SLC35F5: variants seen among roughly 807,000 people sequenced by gnomAD.
SLC35F5 encodes the protein HCV NS5A-transactivated protein 3.
A neutral mutation model predicts 68.6 loss-of-function variants in SLC35F5; 54 were observed. The ratio of observed to expected loss-of-function variants is 0.79; its 90% CI spans 0.63 to 0.99. The LOEUF is 0.99. Among genes scored for constraint, SLC35F5 ranks in the 50% least tolerant of loss-of-function variants. The pLI, the probability that SLC35F5 is intolerant of heterozygous loss-of-function variation, is 0.00. For synonymous variants in SLC35F5, 211 were observed against 205.2 expected, an observed-to-expected ratio of 1.03 and a Z score of -0.24; for missense variants, 567 against 626.9, an observed-to-expected ratio of 0.90 and a Z score of 1.02.
intron 3 of SLC35F5, among the ~76,000 whole-genome samples, chr2:113,751,926 A>T (rs1290500018): frequency 6.6e-6 from 1 of 150,484 alleles, no homozygotes; most frequent in African/African-American, 2.4e-5. Flanking sequence ...AAAGATTAAT[A>T]AGATGTCAGG....
Position 113,756,635 on chromosome 2 carries a change from G to T in SLC35F5, c.-226C>A. Reference sequence around the variant, plus strand: ...CAGTCAGCTATGGCCGCGGAGGCCCGGAGATCTGCTCTGGCCCCGGCCCCG... The same window carrying T: ...CAGTCAGCTATGGCCGCGGAGGCCCTGAGATCTGCTCTGGCCCCGGCCCCG... On this transcript the variant is annotated 5_prime_UTR_variant, in exon 1 of 16. Transcript: ENST00000245680. 1.6e-6 allele frequency: 2 copies of T among 1,234,124 alleles called. No individual in the cohort carries two copies. Among genetic ancestry groups the T allele is most frequent in the Non-Finnish European group, 1.1e-6 (1 of 932,926 alleles). 76.4% of individuals were successfully genotyped at this position (1,234,124 alleles called of 1,614,324 possible). A position where few individuals can be genotyped will look rare whatever the true frequency, so the allele number is the denominator to read the frequency against.
intron 3 of SLC35F5, among the ~76,000 whole-genome samples, chr2:113,751,616 C>G (rs1029478741): frequency 6.6e-6 from 1 of 151,798 alleles, no homozygotes; most frequent in Non-Finnish European, 1.5e-5. Flanking sequence ...TTAAGCCCAG[C>G]CTGGCCAACA....
intron 13 of SLC35F5, among the ~76,000 whole-genome samples, chr2:113,720,093 T>G (rs2104977805): frequency 6.8e-6 from 1 of 146,388 alleles, no homozygotes; most frequent in Non-Finnish European, 1.5e-5. Context: ...AAAAAGAAAA[T>G]AAAAAATAAT....
At chr2:113,740,358 A>G (rs1676209701) in intron 7 of SLC35F5, among the ~76,000 whole-genome samples, 1 of 152,238 alleles carries the variant, frequency 6.6e-6, no homozygotes, top group Non-Finnish European at 1.5e-5. Flanking sequence ...GTCTGTTAAA[A>G]GGAACTATCT....
intron 11 of SLC35F5, among the ~76,000 whole-genome samples, chr2:113,726,495 G>C: frequency 6.6e-6 from 1 of 152,108 alleles, no homozygotes; most frequent in East Asian, 1.9e-4. Flanking sequence ...TTTCTTAAAA[G>C]AAAATTAAAT....
At chr2:113,732,947 T>C (rs952054486) in intron 9 of SLC35F5, among the ~76,000 whole-genome samples, 2 of 152,202 alleles carry the variant, frequency 1.3e-5, no homozygotes, top group African/African-American at 2.4e-5. Context: ...TGTCTCTCAA[T>C]TGATGAAATG....
At chr2:113,734,341 G>A (rs1223873940) in intron 9 of SLC35F5, among the ~76,000 whole-genome samples, 1 of 152,216 alleles carries the variant, frequency 6.6e-6, no homozygotes, top group Non-Finnish European at 1.5e-5. Context: ...TACTTGATGA[G>A]TCTGCAGACA....
chr2:113,723,189 C>A lies in SLC35F5; in HGVS notation c.1256G>T (p.Cys419Phe). 1 of 1,573,870 alleles carries A rather than the reference C, an allele frequency of 6.4e-7. No homozygotes were observed. The highest frequency in any genetic ancestry group is 8.6e-7 in the Non-Finnish European group (1 of 1,162,756). ...GCCTATCAATGATGAGGTAAGAAAG[C>A]AGCCCCTAAAAAAAAGAAAATATAC... ...VLSEFLWLWG[C>F]FLTSSLIGTL... The change falls in exon 13 of 16, where the codon TGC (cysteine) becomes TTC (phenylalanine). Residue 419 changes from cysteine (C) to phenylalanine (F), a missense_variant. Coordinates refer to ENST00000245680, the MANE Select transcript of SLC35F5 (RefSeq NM_025181.5).
rs1243348348 is a variant in SLC35F5 at position 113,708,381 on chromosome 2, T to C, written c.*6837A>G. Among the ~76,000 whole-genome samples, 1 of 152,188 alleles carries C rather than the reference T, an allele frequency of 6.6e-6. No homozygotes were observed. The highest frequency in any genetic ancestry group is 1.5e-5 in the Non-Finnish European group (1 of 68,024). On this transcript the variant is annotated 3_prime_UTR_variant, in exon 16 of 16. Transcript: ENST00000245680. ...AACTTTTAAGATTATAAATTCACAA[T>C]AGTGAACACCCTAGTGACAACTTTT...
At chr2:113,720,395 A>G (rs1005536689) in intron 13 of SLC35F5, among the ~76,000 whole-genome samples, 18 of 151,834 alleles carry the variant, frequency 1.2e-4, no homozygotes, top group Non-Finnish European at 2.9e-5. Context: ...ATACTATTCC[A>G]TTTCATAGCA....
intron 11 of SLC35F5, among the ~76,000 whole-genome samples, chr2:113,728,313 A>C (rs1052963014): frequency 6.6e-6 from 1 of 152,108 alleles, no homozygotes; most frequent in Non-Finnish European, 1.5e-5. Context: ...TTTTTTAAAA[A>C]AAATTAAATA....
intron 14 of SLC35F5, among the ~76,000 whole-genome samples, 198 bp downstream of exon 14, chr2:113,718,948 GAAGGAAGA>G (rs1409505312): frequency 1.3e-5 from 2 of 149,362 alleles, no homozygotes; most frequent in Non-Finnish European, 3.0e-5. Context: ...AGAAAGGAAG[GAAGGAAGA>G]AAGAAAGAAA....
In SLC35F5 at chr2:113,725,410, A is replaced by G. The variant is rs1687620036; in HGVS notation, c.1218T>C (p.Ile406=). The change falls in exon 12 of 16, where the codon ATT becomes ATC. Residue 406 remains isoleucine (I), a synonymous_variant. Coordinates refer to ENST00000245680, the MANE Select transcript of SLC35F5 (RefSeq NM_025181.5). Reference sequence around the variant, plus strand: ...ACAGGAACTCTGAGAGTACTGTTCCAATAAGGCCATTAATGATAATGCACA... The same window carrying G: ...ACAGGAACTCTGAGAGTACTGTTCCGATAAGGCCATTAATGATAATGCACA... ...VLMCIIINGL[I]GTVLSEFLWL... The G allele has an allele frequency of 1.9e-6, 3 of 1,610,926 alleles. No individual in the cohort carries two copies. Among genetic ancestry groups the G allele is most frequent in the Admixed American group, 1.7e-5 (1 of 59,194 alleles).
At position 113,734,721 on chromosome 2, in the gene SLC35F5, T is replaced by C. The variant is rs13432184; in HGVS notation, c.833-48A>G. ...AAATGGTACATGAGTTTAAATACTG[T>C]CAACATTTTTACTACCAACTTCATT... On this transcript the variant is annotated intron_variant, in intron 8 of 15. Transcript: ENST00000245680. 341 of 1,133,068 alleles carry C rather than the reference T, an allele frequency of 3.0e-4. 1 individual carries two copies. The African/African-American group carries it at 4.9e-3, about 16-fold the overall frequency. The allele number at this position is 1,133,068 out of a possible 1,614,324, so 70.2% of individuals were successfully genotyped here. A position where few individuals can be genotyped will look rare whatever the true frequency, so the allele number is the denominator to read the frequency against.
chr2:113,704,658 C>T (rs1016158232), downstream of SLC35F5, among the ~76,000 whole-genome samples: 6 of 152,044 alleles, frequency 3.9e-5, no homozygotes, highest in African/African-American at 1.2e-4. Flanking sequence ...GTGCTAAGCC[C>T]CTCATTGCCC....
At chr2:113,739,042 C>A (rs1241754599) in intron 7 of SLC35F5, among the ~76,000 whole-genome samples, 2 of 151,894 alleles carry the variant, frequency 1.3e-5, no homozygotes, top group Non-Finnish European at 2.9e-5. Flanking sequence ...GCATTTGAGG[C>A]TCATGTTATA....
chr2:113,751,460 A>G (rs185030915), intron 3 of SLC35F5, among the ~76,000 whole-genome samples: 10 of 152,346 alleles, frequency 6.6e-5, no homozygotes, highest in Admixed American at 6.5e-4. Flanking sequence ...ACAATCCAGG[A>G]GGAAAGTGCA....
At chr2:113,752,168 T>C (rs1185782826) in intron 3 of SLC35F5, among the ~76,000 whole-genome samples, 1 of 146,968 alleles carries the variant, frequency 6.8e-6, no homozygotes, top group Non-Finnish European at 1.5e-5. Context: ...GCCGAGATAG[T>C]GCCATTGCAC....
At chr2:113,706,067 G>A (rs114738638), downstream of SLC35F5, among the ~76,000 whole-genome samples, 1,428 of 152,194 alleles carry the variant, frequency 9.4e-3, 28 homozygotes, top group African/African-American at 0.032. Context: ...TGACATCTTC[G>A]CAGGCTGTGA....
Sources: gnomAD v4.1 joint callset for allele counts (sites outside exome capture counted in the v4.1 genomes callset) on GRCh38, gnomAD v4.1.1 for gene constraint, MANE v1.5 for transcripts, NCBI Gene and HGNC (gene_info 2026-07-23, HGNC 2026-07-21) for gene names.